The following STRN variants were observed in gnomAD, a reference collection of about 807,000 sequenced individuals.
STRN encodes protein phosphatase 2 regulatory subunit B'''alpha.
In STRN, 53 loss-of-function variants were observed where a neutral mutation model predicts 96.3. The ratio of observed to expected loss-of-function variants is 0.55; its 90% CI spans 0.44 to 0.69. STRN has a LOEUF of 0.69. Ranked by LOEUF, STRN falls within the 30% of genes least tolerant of loss-of-function variation. STRN has a pLI of 0.00. For synonymous variants in STRN, 428 were observed against 355.9 expected, an observed-to-expected ratio of 1.20 and a Z score of -2.28; for missense variants, 987 against 963.9, an observed-to-expected ratio of 1.02 and a Z score of -0.32.
At chr2:36,931,818 T>C (rs1400183911) in intron 1 of STRN, among the ~76,000 whole-genome samples, 1 of 152,220 alleles carries the variant, frequency 6.6e-6, no homozygotes, top group Non-Finnish European at 1.5e-5. Flanking sequence ...CTTGCTTGCT[T>C]GCTTATTCAT....
At chr2:36,898,523 C>G (rs1269392021) in intron 6 of STRN, among the ~76,000 whole-genome samples, 1 of 152,202 alleles carries the variant, frequency 6.6e-6, no homozygotes, top group African/African-American at 2.4e-5. Context: ...AGGCATAAAA[C>G]ACACAGAGGT....
intron 12 of STRN, among the ~76,000 whole-genome samples, chr2:36,864,553 C>A (rs2148142553): frequency 6.6e-6 from 1 of 152,196 alleles, no homozygotes; most frequent in South Asian, 2.1e-4. Context: ...TGGATTTTCT[C>A]TGCTAGTAAT....
intron 16 of STRN, among the ~76,000 whole-genome samples, chr2:36,850,059 G>A (rs1179865350): frequency 2.6e-5 from 4 of 152,086 alleles, no homozygotes; most frequent in Non-Finnish European, 5.9e-5. Context: ...ATTTCTACAC[G>A]CAACCCTTAA....
rs191119165 is a variant in STRN at position 36,959,681 on chromosome 2, G to A, written c.234+6549C>T. ...ATCATCAGAAAGAACAATGGAAAAA[G>A]AAATTATATCCCAAATTCTATAAAA... On this transcript the variant is annotated intron_variant, in intron 1 of 17. Transcript: ENST00000263918. Among the ~76,000 whole-genome samples, 652 of 152,224 alleles carry A rather than the reference G, an allele frequency of 4.3e-3. 6 individuals are homozygous for A. Among genetic ancestry groups the A allele is most frequent in the African/African-American group, 0.015 (631 of 41,554 alleles).
intron 13 of STRN, among the ~76,000 whole-genome samples, chr2:36,858,825 A>G (rs1381507605): frequency 6.6e-6 from 1 of 152,222 alleles, no homozygotes; most frequent in Non-Finnish European, 1.5e-5. Flanking sequence ...TACATGATTA[A>G]TACCCAATTC....
chr2:36,911,769 A>C (rs1385704683), intron 3 of STRN, among the ~76,000 whole-genome samples: 1 of 152,066 alleles, frequency 6.6e-6, no homozygotes, highest in African/African-American at 2.4e-5. Flanking sequence ...CGTGAATTCA[A>C]CTATTAACTA....
intron 1 of STRN, among the ~76,000 whole-genome samples, chr2:36,940,709 C>A (rs1216063286): frequency 6.6e-6 from 1 of 151,622 alleles, no homozygotes; most frequent in African/African-American, 2.4e-5. Flanking sequence ...GGTGGCGGGG[C>A]GCCTGTAGTC....
intron 6 of STRN, among the ~76,000 whole-genome samples, chr2:36,894,348 C>T (rs1208602352): frequency 6.6e-6 from 1 of 152,182 alleles, no homozygotes; most frequent in Non-Finnish European, 1.5e-5. Flanking sequence ...CTGTCCTAAC[C>T]TTGCATCAGT....
At chr2:36,922,912 G>A (rs1278691554) in intron 2 of STRN, among the ~76,000 whole-genome samples, 2 of 152,222 alleles carry the variant, frequency 1.3e-5, no homozygotes, top group African/African-American at 2.4e-5. Flanking sequence ...GGGAGGCTGA[G>A]GCAGGCGGAT....
chr2:36,884,161 T>C, intron 8 of STRN, 86 bp from the exon 9 acceptor site: 1 of 1,165,790 alleles, frequency 8.6e-7, no homozygotes, highest in Non-Finnish European at 1.1e-6. Context: ...ATAAGCCTTA[T>C]TTTCCATCTG....
chr2:36,958,055 G>A (rs974431420), intron 1 of STRN, among the ~76,000 whole-genome samples: 8 of 151,754 alleles, frequency 5.3e-5, no homozygotes, highest in Non-Finnish European at 1.0e-4. Flanking sequence ...GAGAAACTGG[G>A]ATTACAAGCA....
Position 36,844,164 on chromosome 2 carries a change from A to C in STRN, c.*5292T>G, listed in dbSNP as rs910514856. The C allele has an allele frequency of 3.3e-5, 5 of 152,154 alleles. No homozygotes were observed. The highest frequency in any genetic ancestry group is 1.2e-4 in the African/African-American group (5 of 41,440). The allele number at this position is 152,154 out of a possible 1,614,324, so 9.4% of individuals were successfully genotyped here. On this transcript the variant is annotated 3_prime_UTR_variant, in exon 18 of 18. Coordinates refer to ENST00000263918, the MANE Select transcript of STRN (RefSeq NM_003162.4). ...TCCTAAAAAAGGTATTAGATCATAGAGTTGGGATTAGGGTAGGGGATACCT... is the reference window on the plus strand; with the variant it reads ...TCCTAAAAAAGGTATTAGATCATAGCGTTGGGATTAGGGTAGGGGATACCT...
intron 4 of STRN, among the ~76,000 whole-genome samples, chr2:36,903,453 T>C (rs976771002): frequency 5.3e-5 from 8 of 152,186 alleles, no homozygotes; most frequent in Non-Finnish European, 1.2e-4. Flanking sequence ...CCTAATATTG[T>C]ACCTGGCATA....
intron 3 of STRN, among the ~76,000 whole-genome samples, chr2:36,907,179 C>T (rs1021514327): frequency 6.6e-6 from 1 of 152,140 alleles, no homozygotes; most frequent in Non-Finnish European, 1.5e-5. Context: ...CTCTAAAAAA[C>T]TGCTGATCTT....
chr2:36,905,893 G>C (rs1289973064), intron 3 of STRN, among the ~76,000 whole-genome samples: 2 of 152,016 alleles, frequency 1.3e-5, no homozygotes, highest in Non-Finnish European at 1.5e-5. Flanking sequence ...TTTTTCTCCA[G>C]AACAAAGACT....
chr2:36,905,924 T>C (rs867971879), intron 3 of STRN, among the ~76,000 whole-genome samples: 1 of 152,120 alleles, frequency 6.6e-6, no homozygotes, highest in Non-Finnish European at 1.5e-5. Flanking sequence ...AGTCACACAA[T>C]GAGAGCCAAA....
intron 1 of STRN, among the ~76,000 whole-genome samples, chr2:36,953,753 T>A (rs1664815724): frequency 6.6e-6 from 1 of 152,206 alleles, no homozygotes; most frequent in Admixed American, 6.5e-5. Flanking sequence ...GTGATCTTAT[T>A]TTGTCAAATA....
In STRN at chr2:36,869,755, T is replaced by G; in HGVS notation, c.1324-26A>C. On this transcript the variant is annotated intron_variant, in intron 10 of 17. Coordinates refer to ENST00000263918, the MANE Select transcript of STRN (RefSeq NM_003162.4). ...CTATTAAAGAAACAAAACAAAGATA[T>G]CTACACACTTAGTTAAGGATAGGGG... 2.6e-6 allele frequency: 4 copies of G among 1,534,296 alleles called. No individual in the cohort carries two copies. In the South Asian group the frequency reaches 3.9e-5, roughly 15 times the overall value.
intron 1 of STRN, among the ~76,000 whole-genome samples, chr2:36,953,891 G>T (rs1664818306): frequency 6.6e-6 from 1 of 152,276 alleles, no homozygotes; most frequent in East Asian, 1.9e-4. Flanking sequence ...AGCTACTCTG[G>T]AGGCTGATGC....
Sources: allele counts gnomAD v4.1 joint callset (sites outside exome capture counted in the v4.1 genomes callset), GRCh38; gene constraint gnomAD v4.1.1; transcripts MANE v1.5; gene names NCBI Gene and HGNC (gene_info 2026-07-23, HGNC 2026-07-21).